The following MYO1H variants were observed in gnomAD, a reference collection of about 807,000 sequenced individuals.
MYO1H encodes myosin IH.
A neutral mutation model predicts 149.3 loss-of-function variants in MYO1H; 118 were observed. The ratio of observed to expected loss-of-function variants is 0.79; its 90% CI spans 0.68 to 0.92. MYO1H has a LOEUF of 0.92. Ranked by LOEUF, MYO1H falls within the 40% of genes least tolerant of loss-of-function variation. The pLI is 0.00. For missense variants in MYO1H, 1,212 were observed against 1,280.7 expected, an observed-to-expected ratio of 0.95 and a Z score of 0.82; for synonymous variants, 447 against 465.2, an observed-to-expected ratio of 0.96 and a Z score of 0.50.
chr12:109,415,456 A>G, intron 14 of MYO1H, 70 bp from the exon 15 acceptor site: 1 of 1,437,618 alleles, frequency 7.0e-7, no homozygotes, highest in East Asian at 2.5e-5. Flanking sequence ...AGCTTGGGCA[A>G]CAGAGCAAGA....
chr12:109,398,315 G>T (rs951862907), intron 5 of MYO1H, among the ~76,000 whole-genome samples: 1 of 152,198 alleles, frequency 6.6e-6, no homozygotes, highest in African/African-American at 2.4e-5. Flanking sequence ...ACAGGAGAAC[G>T]ACTACACTGT....
At chr12:109,314,073 C>T in the MYO1H span, among the ~76,000 whole-genome samples, 105 of 152,030 alleles carry the variant, frequency 6.9e-4, no homozygotes, top group African/African-American at 2.3e-3. Flanking sequence ...TTAGTAGACA[C>T]GGGGTTTTAC....
chr12:109,372,775 C>A (rs75238745), intron 1 of MYO1H, among the ~76,000 whole-genome samples: 9,004 of 151,992 alleles, frequency 0.059, 875 homozygotes, highest in African/African-American at 0.21. Context: ...GAGCTTTAGA[C>A]TCAATTTGTT....
the MYO1H span, among the ~76,000 whole-genome samples, chr12:109,318,827 C>G: frequency 1.3e-5 from 2 of 151,912 alleles, no homozygotes; most frequent in African/African-American, 2.4e-5. Flanking sequence ...AAGTCCAAAT[C>G]AAGTCTGGAG....
At chr12:109,388,216 A>G (rs780210913) in intron 1 of MYO1H, among the ~76,000 whole-genome samples, 2 of 152,128 alleles carry the variant, frequency 1.3e-5, no homozygotes, top group Admixed American at 6.5e-5. Flanking sequence ...AGCTTGACTA[A>G]TCAACATAAA....
intron 1 of MYO1H, among the ~76,000 whole-genome samples, chr12:109,348,752 C>G (rs1019217602): frequency 1.3e-5 from 2 of 152,188 alleles, no homozygotes; most frequent in African/African-American, 4.8e-5. Context: ...ATAATCATCT[C>G]ATGTGTTCTC....
the MYO1H span, among the ~76,000 whole-genome samples, chr12:109,330,413 T>C: frequency 6.6e-6 from 1 of 152,164 alleles, no homozygotes. Flanking sequence ...TGGCTAACGA[T>C]GTATATCTGA....
At chr12:109,392,079 C>T (rs1446123903) in intron 2 of MYO1H, among the ~76,000 whole-genome samples, 1 of 152,166 alleles carries the variant, frequency 6.6e-6, no homozygotes, top group Non-Finnish European at 1.5e-5. Context: ...TCCCATTTGT[C>T]AATTTTTGCT....
At chr12:109,443,962 C>T (rs1403169449) in intron 28 of MYO1H, among the ~76,000 whole-genome samples, 3 of 151,864 alleles carry the variant, frequency 2.0e-5, no homozygotes, top group Admixed American at 2.0e-4. Context: ...CCAGCCTGGA[C>T]TGCACCCTTA....
chr12:109,439,568 A>C, intron 23 of MYO1H, 63 bp from the exon 24 acceptor site: 1 of 1,510,104 alleles, frequency 6.6e-7, no homozygotes, highest in Non-Finnish European at 9.0e-7. Flanking sequence ...AAGAAGGGGG[A>C]AGAGAATGTA....
intron 14 of MYO1H, among the ~76,000 whole-genome samples, chr12:109,413,636 G>A (rs772938885): frequency 6.6e-5 from 10 of 152,290 alleles, no homozygotes; most frequent in East Asian, 5.8e-4. Context: ...GTGGCCGAGC[G>A]TGCTGGTTCA....
At chr12:109,375,974 G>A (rs1239105657) in intron 1 of MYO1H, among the ~76,000 whole-genome samples, 1 of 152,168 alleles carries the variant, frequency 6.6e-6, no homozygotes, top group African/African-American at 2.4e-5. Context: ...GCAAGACCCT[G>A]TCTCAATCAG....
chr12:109,424,818 G>A (rs761436668), exon 17 of MYO1H: 1 of 1,613,774 alleles, frequency 6.2e-7, no homozygotes, highest in Non-Finnish European at 8.5e-7. Flanking sequence ...AACCGGAGGA[G>A]GCCCCCAACA....
At chr12:109,424,218 T>C (rs1313545806) in intron 16 of MYO1H, among the ~76,000 whole-genome samples, 4 of 152,168 alleles carry the variant, frequency 2.6e-5, no homozygotes, top group African/African-American at 9.7e-5. Context: ...TGGAGTGCAG[T>C]GGCGCAATCA....
chr12:109,440,809 A>G (rs1226735855), exon 25 of MYO1H: 4 of 1,556,844 alleles, frequency 2.6e-6, no homozygotes, highest in Non-Finnish European at 2.6e-6. Context: ...GCGGGATCAC[A>G]GCTGAGCGGA....
At chr12:109,341,188 CGA>C in the MYO1H span, among the ~76,000 whole-genome samples, 11 of 81,116 alleles carry the variant, frequency 1.4e-4, no homozygotes, top group African/African-American at 2.3e-4. Flanking sequence ...GACTCCATCT[CGA>C]AAAAAAAAAA....
At chr12:109,414,235 C>T (rs1014341581) in intron 14 of MYO1H, among the ~76,000 whole-genome samples, 25 of 151,816 alleles carry the variant, frequency 1.6e-4, no homozygotes, top group African/African-American at 5.3e-4. Context: ...CAGCTGTTTG[C>T]GAGACCAAGA....
At chr12:109,322,983 T>C in the MYO1H span, among the ~76,000 whole-genome samples, 1 of 152,010 alleles carries the variant, frequency 6.6e-6, no homozygotes. Flanking sequence ...GTTGTGCGCC[T>C]GTGGTCCCAG....
Position 109,384,660 on chromosome 12 carries a change from A to AGT in MYO1H, c.13-4022_13-4021dup, listed in dbSNP as rs538786428. Among the ~76,000 whole-genome samples, 21 of 152,326 alleles carry AGT rather than the reference A, an allele frequency of 1.4e-4. No individual in the cohort carries two copies. The East Asian group carries it at 3.1e-3, about 22-fold the overall frequency. ...CAAAACTCTAGTCTGAAGTGAATGG[A>AGT]GTCTGCTTTGACCCTGGCAAGTTAA... On this transcript the variant is annotated intron_variant, in intron 1 of 31. Coordinates refer to ENST00000310903, the Ensembl canonical transcript of MYO1H.
Sources: gnomAD v4.1 joint callset for allele counts (sites outside exome capture counted in the v4.1 genomes callset) on GRCh38, gnomAD v4.1.1 for gene constraint, MANE v1.5 for transcripts, NCBI Gene and HGNC (gene_info 2026-07-23, HGNC 2026-07-21) for gene names.